The following PLXDC2 variants were observed in gnomAD, a reference collection of about 807,000 sequenced individuals.
PLXDC2 encodes the protein plexin domain containing 2.
A neutral mutation model predicts 68.9 loss-of-function variants in PLXDC2; 40 were observed. That is an observed-to-expected ratio of 0.58 (90% CI 0.45 to 0.76). The LOEUF (loss-of-function observed/expected upper bound fraction) is 0.76, where lower values mean the gene tolerates loss of function less well. PLXDC2 is among the 30% of genes least tolerant of loss of function. PLXDC2 has a pLI of 0.00. For missense variants in PLXDC2, 644 were observed against 661.9 expected (o/e 0.97, Z 0.30); for synonymous variants, 243 against 234.2 (o/e 1.04, Z -0.34).
intron 13 of PLXDC2, among the ~76,000 whole-genome samples, chr10:20,271,702 T>G (rs1835942879): frequency 6.6e-6 from 1 of 152,110 alleles, no homozygotes; most frequent in Non-Finnish European, 1.5e-5. Flanking sequence ...AGGCCCTCTA[T>G]GGAATGCAGG....
chr10:20,189,854 T>A (rs1486397632), intron 9 of PLXDC2, among the ~76,000 whole-genome samples: 1 of 151,650 alleles, frequency 6.6e-6, no homozygotes, highest in East Asian at 1.9e-4. Flanking sequence ...GGCCACTGAG[T>A]CATCTACCAG....
At chr10:19,854,945 T>A (rs1191755278) in intron 1 of PLXDC2, among the ~76,000 whole-genome samples, 1 of 152,260 alleles carries the variant, frequency 6.6e-6, no homozygotes, top group Non-Finnish European at 1.5e-5. Context: ...CAGCATTCAT[T>A]TAAAATATTT....
chr10:20,040,151 A>G (rs1835657096), intron 2 of PLXDC2, among the ~76,000 whole-genome samples: 1 of 152,082 alleles, frequency 6.6e-6, no homozygotes, highest in Admixed American at 6.6e-5. Flanking sequence ...GAAAACAAGA[A>G]ACAGATGACT....
At chr10:19,901,469 T>G (rs1445455911) in intron 1 of PLXDC2, among the ~76,000 whole-genome samples, 1 of 152,194 alleles carries the variant, frequency 6.6e-6, no homozygotes, top group Non-Finnish European at 1.5e-5. Flanking sequence ...GCCATTTGTA[T>G]ATCTTCTTTT....
Position 20,284,605 on chromosome 10 carries a change from A to G in PLXDC2, c.*4786A>G, listed in dbSNP as rs1332130468. The G allele has an allele frequency of 6.6e-6, 1 of 151,972 alleles. No homozygotes were observed. Among genetic ancestry groups the G allele is most frequent in the Non-Finnish European group, 1.5e-5 (1 of 68,028 alleles). The allele number at this position is 151,972 out of a possible 1,614,324, so 9.4% of individuals were successfully genotyped here. A position where few individuals can be genotyped will look rare whatever the true frequency, so the allele number is the denominator to read the frequency against. ...CCCCATCTCTAAATAAAAAAAAAGA[A>G]TCGTGAGACATCATGTAATCCAACC... On this transcript the variant is annotated 3_prime_UTR_variant, in exon 14 of 14. Transcript: ENST00000377252.
intron 6 of PLXDC2, among the ~76,000 whole-genome samples, chr10:20,152,701 C>A (rs1384640539): frequency 6.6e-6 from 1 of 151,972 alleles, no homozygotes; most frequent in Admixed American, 6.6e-5. Flanking sequence ...TTATTTTAAA[C>A]CTTATGACTA....
chr10:20,067,145 A>T (rs1191112594), intron 3 of PLXDC2, among the ~76,000 whole-genome samples: 1 of 152,124 alleles, frequency 6.6e-6, no homozygotes, highest in African/African-American at 2.4e-5. Context: ...TTTAATATTT[A>T]TTTTTTAAAA....
intron 7 of PLXDC2, among the ~76,000 whole-genome samples, chr10:20,166,538 T>G (rs1834376347): frequency 6.6e-6 from 1 of 152,168 alleles, no homozygotes; most frequent in African/African-American, 2.4e-5. Flanking sequence ...ACATTCTTTC[T>G]TTCAGAGTTG....
Position 20,044,207 on chromosome 10 carries a change from C to CTG in PLXDC2, c.325-2661_325-2660insGT, listed in dbSNP as rs1409929525. Among the ~76,000 whole-genome samples the CTG allele has an allele frequency of 9.8e-4, 88 of 89,978 alleles. 3 individuals are homozygous for CTG. The highest frequency in any genetic ancestry group is 2.0e-3 in the African/African-American group (41 of 20,630). The allele number at this position is 89,978 out of a possible 152,430, so 59.0% of individuals were successfully genotyped here. The stretch of plus-strand genomic sequence containing the variant: ...TTTCTTTCTTTCTCTCTCTCTCTCT[C>CTG]TCTGTCTTTCTTTCTTTCTTTCTTT... On this transcript the variant is annotated intron_variant, in intron 2 of 13. Coordinates refer to ENST00000377252, the MANE Select transcript of PLXDC2 (RefSeq NM_032812.9).
intron 4 of PLXDC2, among the ~76,000 whole-genome samples, chr10:20,101,762 T>C (rs1240513788): frequency 6.6e-6 from 1 of 151,324 alleles, no homozygotes; most frequent in Non-Finnish European, 1.5e-5. Context: ...TTCTAGAGTC[T>C]ATTAAGTGAC....
At chr10:20,022,656 A>G (rs771956794) in intron 2 of PLXDC2, among the ~76,000 whole-genome samples, 22 of 152,130 alleles carry the variant, frequency 1.4e-4, no homozygotes, top group Non-Finnish European at 2.9e-4. Context: ...CACATTCAGT[A>G]TGGGTCCTTT....
intron 4 of PLXDC2, among the ~76,000 whole-genome samples, chr10:20,095,109 T>C (rs901317349): frequency 2.6e-5 from 4 of 152,222 alleles, no homozygotes; most frequent in Non-Finnish European, 1.5e-5. Flanking sequence ...TTTTAGAATA[T>C]ATTTTATTTA....
chr10:20,263,897 T>C (rs762320953), intron 13 of PLXDC2, among the ~76,000 whole-genome samples: 8 of 152,080 alleles, frequency 5.3e-5, no homozygotes, highest in Non-Finnish European at 1.2e-4. Context: ...TCAACCATTG[T>C]GAAAATTACT....
chr10:19,850,550 A>T (rs1039831501), intron 1 of PLXDC2, among the ~76,000 whole-genome samples: 3 of 152,172 alleles, frequency 2.0e-5, no homozygotes, highest in African/African-American at 7.2e-5. Context: ...ACGTTTCATC[A>T]CGAGAGACCC....
rs766319342 is a variant in PLXDC2, at chr10:20,217,517, T to A, written c.1214T>A (p.Val405Asp). The change falls in exon 11 of 14, where the codon GTC (valine) becomes GAC (aspartate). Residue 405 changes from valine (V) to aspartate (D), a missense_variant. Val to Asp is a radical substitution (Grantham distance 152, BLOSUM62 -3). Around this residue, in one of 3 missense-constraint regions of PLXDC2, gnomAD observed 330 missense variants for 327.9 expected, o/e 1.01. Transcript: ENST00000377252. ...GGAGCGACAACCACCCAGTTCAGGG[T>A]CCTAACTACCACCAGAAGAGCAGTG... Reference protein sequence around the residue: ...TVGATTTQFRVLTTTRRAVTS... With the variant: ...TVGATTTQFRDLTTTRRAVTS... 3 of 1,606,800 alleles carry A rather than the reference T, an allele frequency of 1.9e-6. No homozygotes were observed. In the South Asian group the frequency reaches 3.3e-5, roughly 18 times the overall value.
intron 9 of PLXDC2, among the ~76,000 whole-genome samples, chr10:20,186,227 T>C (rs774278060): frequency 6.6e-6 from 1 of 151,960 alleles, no homozygotes; most frequent in Non-Finnish European, 1.5e-5. Flanking sequence ...ATTGTCATGC[T>C]ACCTAGTCAT....
chr10:19,920,006 G>A (rs1235744512), intron 1 of PLXDC2, among the ~76,000 whole-genome samples: 4 of 152,210 alleles, frequency 2.6e-5, no homozygotes, highest in Admixed American at 6.5e-5. Flanking sequence ...ACACACTCAA[G>A]TAATTTTATA....
At chr10:19,849,971 C>A (rs924467973) in intron 1 of PLXDC2, among the ~76,000 whole-genome samples, 1 of 152,166 alleles carries the variant, frequency 6.6e-6, no homozygotes, top group Non-Finnish European at 1.5e-5. Context: ...GTACGGCCAT[C>A]TCTAGCAGCA....
intron 1 of PLXDC2, among the ~76,000 whole-genome samples, chr10:19,999,501 A>G (rs2131635681): frequency 6.6e-6 from 1 of 151,928 alleles, no homozygotes; most frequent in East Asian, 1.9e-4. Context: ...GAATCATTTA[A>G]TCTATTCTCT....
Sources: allele counts gnomAD v4.1 joint callset (sites outside exome capture counted in the v4.1 genomes callset), GRCh38; gene constraint gnomAD v4.1.1; regional missense constraint gnomAD v4.1.1; transcripts MANE v1.5; gene names NCBI Gene and HGNC (gene_info 2026-07-23, HGNC 2026-07-21).